The following NTNG1 variants were observed in gnomAD, a reference collection of about 807,000 sequenced individuals.
NTNG1 encodes netrin-G1.
In NTNG1, 16 loss-of-function variants were observed where a neutral mutation model predicts 54.0. That is an observed-to-expected ratio of 0.30 (90% CI 0.20 to 0.45). The LOEUF is 0.45. NTNG1 is among the 20% of genes least tolerant of loss of function. The probability of loss-of-function intolerance (pLI) is 1.00; values close to 1 mark genes in which losing one functional copy is unlikely to be tolerated. For missense variants in NTNG1, 530 were observed against 678.7 expected (o/e 0.78, Z 2.43); for synonymous variants, 255 against 263.1 (o/e 0.97, Z 0.30).
chr1:107,190,739 C>T (rs1316817436), intron 2 of NTNG1, among the ~76,000 whole-genome samples: 1 of 152,144 alleles, frequency 6.6e-6, no homozygotes, highest in Non-Finnish European at 1.5e-5. Context: ...ATCCATGTCC[C>T]TACAAGGGAC....
intron 2 of NTNG1, among the ~76,000 whole-genome samples, chr1:107,214,343 C>G (rs1659800629): frequency 6.6e-6 from 1 of 152,194 alleles, no homozygotes. Context: ...TAGCTTAGCT[C>G]TCACTTACGA....
In NTNG1 at chr1:107,386,167, T is replaced by TATATA. The variant is rs1557954792; in HGVS notation, c.888-8987_888-8986insATATA. Among the ~76,000 whole-genome samples the TATATA allele has an allele frequency of 2.1e-3, 128 of 59,714 alleles. 1 individual carries two copies. The highest frequency in any genetic ancestry group is 1.2e-3 in the Non-Finnish European group (33 of 28,124). The allele number at this position is 59,714 out of a possible 152,430, so 39.2% of individuals were successfully genotyped here. ...TATGTGTGTATATATATATATATAT[T>TATATA]TTTTTTTTTTTCTTCCTTTGAAATG... On this transcript the variant is annotated intron_variant, in intron 3 of 7. Coordinates refer to ENST00000370068, the MANE Select transcript of NTNG1 (RefSeq NM_001113226.3).
At chr1:107,170,160 G>C (rs552641539) in intron 2 of NTNG1, among the ~76,000 whole-genome samples, 1 of 152,242 alleles carries the variant, frequency 6.6e-6, no homozygotes, top group Non-Finnish European at 1.5e-5. Flanking sequence ...ACGAGTTGAT[G>C]CATCAAAAAG....
At chr1:107,337,755 A>G (rs1668670955) in intron 3 of NTNG1, among the ~76,000 whole-genome samples, 1 of 151,958 alleles carries the variant, frequency 6.6e-6, no homozygotes, top group Non-Finnish European at 1.5e-5. Flanking sequence ...GTCTTTTCCC[A>G]CTTTTAATGT....
At chr1:107,387,390 A>G (rs1672075876) in intron 3 of NTNG1, among the ~76,000 whole-genome samples, 1 of 152,226 alleles carries the variant, frequency 6.6e-6, no homozygotes, top group Non-Finnish European at 1.5e-5. Context: ...GAACTCTGAC[A>G]TACTGGTGAG....
In NTNG1 at chr1:107,335,602, C is replaced by T. The variant is rs139396703; in HGVS notation, c.887+10680C>T. Among the ~76,000 whole-genome samples, 99 of 151,944 alleles carry T rather than the reference C, an allele frequency of 6.5e-4. 1 individual carries two copies. In the East Asian group the frequency reaches 0.018, roughly 28 times the overall value. On this transcript the variant is annotated intron_variant, in intron 3 of 7. Coordinates refer to ENST00000370068, the MANE Select transcript of NTNG1 (RefSeq NM_001113226.3). ...GGAAAAAAGAGAGAATGAGACAACA[C>T]AAATATAGTTGGCTAATAGTGGTGG...
intron 2 of NTNG1, among the ~76,000 whole-genome samples, chr1:107,260,488 G>C (rs951034650): frequency 1.3e-5 from 2 of 152,136 alleles, no homozygotes; most frequent in African/African-American, 4.8e-5. Context: ...TTCATAGAAT[G>C]ATATTCAGTT....
intron 2 of NTNG1, among the ~76,000 whole-genome samples, chr1:107,190,792 T>G (rs972513097): frequency 6.6e-6 from 1 of 152,220 alleles, no homozygotes; most frequent in African/African-American, 2.4e-5. Context: ...TTCCATGGTG[T>G]ATATGTGCCA....
intron 2 of NTNG1, among the ~76,000 whole-genome samples, chr1:107,213,433 G>T (rs1298558897): frequency 6.6e-6 from 1 of 152,118 alleles, no homozygotes; most frequent in Non-Finnish European, 1.5e-5. Context: ...GTAGACAAGA[G>T]GGGTGGAGCA....
chr1:107,470,389 T>C (rs958205209), intron 7 of NTNG1, among the ~76,000 whole-genome samples: 8 of 152,174 alleles, frequency 5.3e-5, no homozygotes, highest in African/African-American at 1.9e-4. Context: ...AGTATAAAGA[T>C]GAAAATTAAA....
At chr1:107,167,200 T>TA (rs1655861639) in intron 2 of NTNG1, among the ~76,000 whole-genome samples, 1 of 152,062 alleles carries the variant, frequency 6.6e-6, no homozygotes, top group Non-Finnish European at 1.5e-5. Context: ...CCCTCAGTGT[T>TA]ACAGAACAGA....
chr1:107,201,194 T>C (rs1382708953), intron 2 of NTNG1, among the ~76,000 whole-genome samples: 2 of 151,706 alleles, frequency 1.3e-5, no homozygotes, highest in Admixed American at 1.3e-4. Flanking sequence ...AATGATGGAG[T>C]AAACTTTACT....
intron 5 of NTNG1, among the ~76,000 whole-genome samples, chr1:107,419,055 G>C (rs1674406711): frequency 6.6e-6 from 1 of 151,970 alleles, no homozygotes; most frequent in Non-Finnish European, 1.5e-5. Flanking sequence ...CATAGAGGTA[G>C]TATTGTGACA....
At chr1:107,408,045 A>C in intron 5 of NTNG1, 1 of 424,692 alleles carries the variant, frequency 2.4e-6, no homozygotes, top group Non-Finnish European at 4.5e-6. Flanking sequence ...GCAACCAACA[A>C]ACAAATTGAA....
At chr1:107,282,473 C>T (rs1214914095) in intron 2 of NTNG1, among the ~76,000 whole-genome samples, 1 of 152,106 alleles carries the variant, frequency 6.6e-6, no homozygotes, top group East Asian at 1.9e-4. Flanking sequence ...CCATCTCTAC[C>T]TGCTGATGAA....
intron 7 of NTNG1, among the ~76,000 whole-genome samples, chr1:107,444,612 T>A (rs1407343470): frequency 6.6e-6 from 1 of 152,088 alleles, no homozygotes; most frequent in Non-Finnish European, 1.5e-5. Context: ...GATGGCAACT[T>A]TTCATATTTA....
At chr1:107,259,598 T>C (rs1663163925) in intron 2 of NTNG1, among the ~76,000 whole-genome samples, 1 of 152,238 alleles carries the variant, frequency 6.6e-6, no homozygotes, top group Admixed American at 6.5e-5. Context: ...CTCTTCTCTT[T>C]AATTTTCCTT....
chr1:107,324,213 A>T (rs1174570702), intron 2 of NTNG1, 69 bp from the exon 3 acceptor site: 6 of 1,448,156 alleles, frequency 4.1e-6, no homozygotes, highest in Non-Finnish European at 5.7e-6. Context: ...CTTACTGAGC[A>T]ACAGCAATAT....
At chr1:107,470,729 G>C (rs1402658500) in intron 7 of NTNG1, among the ~76,000 whole-genome samples, 1 of 152,186 alleles carries the variant, frequency 6.6e-6, no homozygotes, top group East Asian at 1.9e-4. Context: ...TCTGATACCT[G>C]ATGAGAAAGT....
Sources: allele counts gnomAD v4.1 joint callset (sites outside exome capture counted in the v4.1 genomes callset), GRCh38; gene constraint gnomAD v4.1.1; transcripts MANE v1.5; gene names NCBI Gene and HGNC (gene_info 2026-07-23, HGNC 2026-07-21).